SYT1: variants seen among roughly 807,000 people sequenced by gnomAD.
SYT1 encodes synaptotagmin-1.
Under a neutral mutation model 44.8 loss-of-function variants are expected in SYT1, and 8 were observed. The ratio of observed to expected loss-of-function variants is 0.18; its 90% CI spans 0.10 to 0.32. The LOEUF (loss-of-function observed/expected upper bound fraction) is 0.32. SYT1 is among the 10% of genes least tolerant of loss of function. The pLI, the probability that SYT1 is intolerant of heterozygous loss-of-function variation, is 1.00. For synonymous variants in SYT1, 154 were observed against 188.8 expected (o/e 0.82, Z 1.51); for missense variants, 286 against 509.3 (o/e 0.56, Z 4.22).
intron 4 of SYT1, among the ~76,000 whole-genome samples, chr12:79,251,819 T>C (rs1312846): frequency 0.71 from 107,960 of 152,012 alleles, 38,874 homozygotes; most frequent in African/African-American, 0.79. Context: ...GAAAACCTGC[T>C]TACTTCCATG....
At chr12:79,252,223 G>T (rs1877258769) in intron 4 of SYT1, among the ~76,000 whole-genome samples, 2 of 151,890 alleles carry the variant, frequency 1.3e-5, no homozygotes, top group Admixed American at 6.6e-5. Flanking sequence ...AATAAAAATG[G>T]TACTCACATT....
At chr12:79,419,933 A>G (rs962435884) in intron 9 of SYT1, among the ~76,000 whole-genome samples, 23 of 152,122 alleles carry the variant, frequency 1.5e-4, no homozygotes, top group Admixed American at 1.4e-3. Flanking sequence ...TTCAAGCTTT[A>G]TATAAATTGT....
At chr12:79,303,464 G>GT (rs955170457) in intron 8 of SYT1, among the ~76,000 whole-genome samples, 2 of 151,648 alleles carry the variant, frequency 1.3e-5, no homozygotes, top group Middle Eastern at 3.2e-3. Context: ...GAGCAGTACT[G>GT]TTTTATTGTT....
chr12:79,030,315 T>TTTC (rs1872754072), intron 2 of SYT1, among the ~76,000 whole-genome samples: 1 of 150,916 alleles, frequency 6.6e-6, no homozygotes, highest in African/African-American at 2.4e-5. Context: ...TTCAGTCTTC[T>TTTC]TTCTCTCTCC....
At chr12:79,120,986 T>TAC (rs1334536531) in intron 3 of SYT1, among the ~76,000 whole-genome samples, 1 of 149,134 alleles carries the variant, frequency 6.7e-6, no homozygotes, top group Non-Finnish European at 1.5e-5. Context: ...TGTATATATA[T>TAC]ATACACACAC....
Position 79,449,152 on chromosome 12 carries a change from CCCA to C in SYT1, c.*29_*31del, listed in dbSNP as rs775496696. 3 of 1,571,464 alleles carry C rather than the reference CCCA, an allele frequency of 1.9e-6. No individual in the cohort carries two copies. The highest frequency in any genetic ancestry group is 2.6e-6 in the Non-Finnish European group (3 of 1,157,308). On this transcript the variant is annotated 3_prime_UTR_variant, in exon 11 of 11. Transcript: ENST00000261205. ...GAAAGAAGAAGCCTTTCTGCATTTG[CCCA>C]TATAGTGCTCTTTAGCCAGTATCTG...
At chr12:79,235,064 A>T (rs2138631042) in intron 4 of SYT1, among the ~76,000 whole-genome samples, 1 of 152,322 alleles carries the variant, frequency 6.6e-6, no homozygotes, top group Middle Eastern at 3.4e-3. Context: ...CAACTCTTTA[A>T]GAGGACATAT....
chr12:79,179,347 T>G (rs1425549211), intron 3 of SYT1, among the ~76,000 whole-genome samples: 3 of 30,562 alleles, frequency 9.8e-5, no homozygotes, highest in South Asian at 5.9e-4. Context: ...TATCGATATG[T>G]CTATATCGAT....
chr12:79,197,502 G>A (rs1873531841), intron 3 of SYT1, among the ~76,000 whole-genome samples: 1 of 152,066 alleles, frequency 6.6e-6, no homozygotes, highest in African/African-American at 2.4e-5. Context: ...AAAGCAAAAA[G>A]AAAGTTAATA....
chr12:79,166,819 T>C (rs965475126), intron 3 of SYT1, among the ~76,000 whole-genome samples: 1 of 152,202 alleles, frequency 6.6e-6, no homozygotes, highest in South Asian at 2.1e-4. Context: ...GGAAGGATCC[T>C]TGGACTTGGT....
intron 1 of SYT1, among the ~76,000 whole-genome samples, chr12:78,949,488 A>AC (rs976975906): frequency 2.0e-5 from 3 of 151,858 alleles, no homozygotes; most frequent in East Asian, 1.9e-4. Context: ...AAAAAAAAAA[A>AC]AACCTTAAAT....
chr12:79,343,419 T>C (rs953001344), intron 8 of SYT1, among the ~76,000 whole-genome samples: 1 of 152,242 alleles, frequency 6.6e-6, no homozygotes, highest in Non-Finnish European at 1.5e-5. Flanking sequence ...ACTCCTTTTT[T>C]ACATACTAAC....
chr12:79,178,980 A>C (rs1872111131), intron 3 of SYT1, among the ~76,000 whole-genome samples: 1 of 112,016 alleles, frequency 8.9e-6, no homozygotes, highest in East Asian at 2.3e-4. Flanking sequence ...ATATAGATAT[A>C]GATATATCTA....
intron 4 of SYT1, among the ~76,000 whole-genome samples, chr12:79,249,225 T>C (rs913826181): frequency 7.3e-5 from 11 of 149,682 alleles, no homozygotes; most frequent in African/African-American, 2.0e-4. Flanking sequence ...CTGCCTCAGC[T>C]TCCCGAGTAG....
At chr12:78,991,500 T>C (rs1222787761) in intron 2 of SYT1, among the ~76,000 whole-genome samples, 2 of 152,172 alleles carry the variant, frequency 1.3e-5, no homozygotes, top group African/African-American at 4.8e-5. Flanking sequence ...AAACTCATTT[T>C]GTTTTCTTTG....
At chr12:79,135,618 G>A (rs1237630961) in intron 3 of SYT1, among the ~76,000 whole-genome samples, 2 of 152,142 alleles carry the variant, frequency 1.3e-5, no homozygotes, top group Non-Finnish European at 2.9e-5. Flanking sequence ...TTGGATACTT[G>A]TAAAGTAGGT....
rs376355977 is a variant in SYT1 at position 79,291,996 on chromosome 12, C to G, written c.352-12C>G. Reference sequence around the variant, plus strand: ...CTCTGAAATTCACATGTGATCCTTTCTCTATACATAGGCCCTCAAGGATGA... The same window carrying G: ...CTCTGAAATTCACATGTGATCCTTTGTCTATACATAGGCCCTCAAGGATGA... On this transcript the variant is annotated splice_polypyrimidine_tract_variant and intron_variant, in intron 5 of 10. Coordinates refer to ENST00000261205, the MANE Select transcript of SYT1 (RefSeq NM_005639.3). 5 of 1,613,018 alleles carry G rather than the reference C, an allele frequency of 3.1e-6. No individual in the cohort carries two copies. Among genetic ancestry groups the G allele is most frequent in the African/African-American group, 1.3e-5 (1 of 74,724 alleles).
At chr12:79,262,155 A>T (rs1190306880) in intron 4 of SYT1, among the ~76,000 whole-genome samples, 2 of 152,166 alleles carry the variant, frequency 1.3e-5, no homozygotes, top group African/African-American at 2.4e-5. Context: ...TTGTATATTG[A>T]TTATAATTCT....
intron 3 of SYT1, among the ~76,000 whole-genome samples, chr12:79,072,354 C>T (rs913611139): frequency 2.6e-5 from 4 of 152,008 alleles, no homozygotes; most frequent in Non-Finnish European, 4.4e-5. Flanking sequence ...AAATGACATC[C>T]TGTTCATTTA....
Sources: allele counts gnomAD v4.1 joint callset (sites outside exome capture counted in the v4.1 genomes callset), GRCh38; gene constraint gnomAD v4.1.1; transcripts MANE v1.5; gene names NCBI Gene and HGNC (gene_info 2026-07-23, HGNC 2026-07-21).